The following EPHA6 variants were observed in gnomAD, a reference collection of about 807,000 sequenced individuals.
EPHA6 encodes the protein EPH receptor A6.
In EPHA6, 50 loss-of-function variants were observed where a neutral mutation model predicts 112.0. The observed-to-expected ratio is 0.45, with a 90% CI of 0.36 to 0.56. The LOEUF (loss-of-function observed/expected upper bound fraction) is 0.56. Ranked by LOEUF, EPHA6 falls within the 20% of genes least tolerant of loss-of-function variation. EPHA6 has a pLI of 0.00. For synonymous variants in EPHA6, 529 were observed against 490.7 expected, an observed-to-expected ratio of 1.08 and a Z score of -1.03; for missense variants, 1,280 against 1,417.4, an observed-to-expected ratio of 0.90 and a Z score of 1.56.
intron 11 of EPHA6, among the ~76,000 whole-genome samples, chr3:97,543,481 T>A (rs1283201930): frequency 6.6e-6 from 1 of 152,208 alleles, no homozygotes; most frequent in Non-Finnish European, 1.5e-5. Flanking sequence ...AGTACCATGC[T>A]GTTTTGGTTA....
intron 14 of EPHA6, among the ~76,000 whole-genome samples, chr3:97,719,595 C>T (rs1024195701): frequency 3.9e-5 from 6 of 151,984 alleles, no homozygotes; most frequent in African/African-American, 1.5e-4. Context: ...AATTCTTGAA[C>T]CTTTAAATTC....
chr3:97,159,593 AAACCTTCCCC>A (rs2108395627), intron 3 of EPHA6, among the ~76,000 whole-genome samples: 1 of 152,238 alleles, frequency 6.6e-6, no homozygotes, highest in East Asian at 1.9e-4. Flanking sequence ...AGCCTCTGGA[AAACCTTCCCC>A]AACCCTGTAA....
At chr3:97,001,966 C>A (rs1379232907) in intron 3 of EPHA6, among the ~76,000 whole-genome samples, 1 of 151,998 alleles carries the variant, frequency 6.6e-6, no homozygotes, top group African/African-American at 2.4e-5. Context: ...ACAGAGATAA[C>A]TATTGTCTTG....
chr3:97,185,824 C>T (rs887422688), intron 3 of EPHA6, among the ~76,000 whole-genome samples: 1 of 152,036 alleles, frequency 6.6e-6, no homozygotes, highest in East Asian at 1.9e-4. Context: ...AAATGTCCAA[C>T]AATGATAGAC....
intron 5 of EPHA6, among the ~76,000 whole-genome samples, chr3:97,353,479 C>G (rs1479901569): frequency 1.3e-5 from 2 of 151,658 alleles, no homozygotes; most frequent in Non-Finnish European, 2.9e-5. Flanking sequence ...CAGTAGTAGT[C>G]AGGCAATACT....
rs1459637927 is a variant in EPHA6 at position 97,748,711 on chromosome 3, A to G, written c.*10A>G. The G allele has an allele frequency of 7.0e-7, 1 of 1,425,078 alleles. No individual in the cohort carries two copies. The highest frequency in any genetic ancestry group is 2.3e-5 in the East Asian group (1 of 43,990). 88.3% of individuals were successfully genotyped at this position (1,425,078 alleles called of 1,614,324 possible). A position where few individuals can be genotyped will look rare whatever the true frequency, so the allele number is the denominator to read the frequency against. On this transcript the variant is annotated 3_prime_UTR_variant, in exon 18 of 18. Transcript: ENST00000389672. ...GGGATTTCATGTATGAAAGTACCACAAGCACCTGTGTTTTGTGCCTCAGCA... is the reference window on the plus strand; with the variant it reads ...GGGATTTCATGTATGAAAGTACCACGAGCACCTGTGTTTTGTGCCTCAGCA...
intron 3 of EPHA6, among the ~76,000 whole-genome samples, chr3:97,182,931 A>G (rs942284753): frequency 6.6e-5 from 10 of 152,152 alleles, no homozygotes; most frequent in Non-Finnish European, 1.5e-4. Context: ...AATTTGTAAT[A>G]AAAATGTTTA....
intron 3 of EPHA6, among the ~76,000 whole-genome samples, chr3:97,178,248 T>C (rs2076891996): frequency 6.6e-6 from 1 of 152,112 alleles, no homozygotes; most frequent in African/African-American, 2.4e-5. Flanking sequence ...CCTTAACTTT[T>C]ATCACACTGC....
At chr3:96,841,349 T>C (rs1300673180) in intron 1 of EPHA6, among the ~76,000 whole-genome samples, 1 of 152,142 alleles carries the variant, frequency 6.6e-6, no homozygotes, top group Non-Finnish European at 1.5e-5. Flanking sequence ...AGTTTCCCGC[T>C]TGACTTCTCC....
At chr3:97,216,014 A>G (rs549399245) in intron 3 of EPHA6, among the ~76,000 whole-genome samples, 1 of 152,320 alleles carries the variant, frequency 6.6e-6, no homozygotes, top group African/African-American at 2.4e-5. Context: ...AGAGAAAGGG[A>G]AAAGAAACTA....
Position 97,132,150 on chromosome 3 carries a change from A to G in EPHA6, c.1115-94114A>G, listed in dbSNP as rs1347379935. Among the ~76,000 whole-genome samples the G allele has an allele frequency of 3.3e-5, 5 of 152,104 alleles. No homozygotes were observed. In the South Asian group the frequency reaches 8.3e-4, roughly 25 times the overall value. On this transcript the variant is annotated intron_variant, in intron 3 of 17. Transcript: ENST00000389672. ...ATATGTACATATGTATTGTAAAATTACAGCATTCAGACCCTTTGCTTTACA... is the reference window on the plus strand; with the variant it reads ...ATATGTACATATGTATTGTAAAATTGCAGCATTCAGACCCTTTGCTTTACA...
chr3:96,949,142 C>T (rs559166122), intron 2 of EPHA6, among the ~76,000 whole-genome samples: 333 of 151,904 alleles, frequency 2.2e-3, no homozygotes, highest in Admixed American at 3.5e-3. Flanking sequence ...TACATCAGGT[C>T]GAAAATAAAT....
chr3:97,592,795 A>G, intron 12 of EPHA6, 58 bp downstream of exon 12: 1 of 1,474,956 alleles, frequency 6.8e-7, no homozygotes, highest in Non-Finnish European at 9.0e-7. Flanking sequence ...TTGTGCTCAT[A>G]GTTGATAGGC....
At chr3:97,167,522 T>A (rs1212050608) in intron 3 of EPHA6, among the ~76,000 whole-genome samples, 1 of 152,146 alleles carries the variant, frequency 6.6e-6, no homozygotes, top group East Asian at 1.9e-4. Flanking sequence ...TTTAAAATAA[T>A]CCCAATCTAA....
At chr3:97,266,378 A>G (rs1467886979) in intron 5 of EPHA6, among the ~76,000 whole-genome samples, 1 of 152,182 alleles carries the variant, frequency 6.6e-6, no homozygotes, top group African/African-American at 2.4e-5. Context: ...CCATTTTAGG[A>G]TGAGCAATAC....
chr3:97,270,069 T>G (rs1220567790), intron 5 of EPHA6, among the ~76,000 whole-genome samples: 1 of 152,246 alleles, frequency 6.6e-6, no homozygotes, highest in Non-Finnish European at 1.5e-5. Flanking sequence ...ATCTTTCATA[T>G]CTTGAGTTTT....
intron 11 of EPHA6, among the ~76,000 whole-genome samples, chr3:97,572,093 A>AAT (rs371585093): frequency 6.8e-4 from 104 of 152,170 alleles, no homozygotes; most frequent in African/African-American, 2.2e-3. Context: ...TTGGACCAAA[A>AAT]ATCTATGTTG....
At chr3:97,031,731 T>C (rs1576356208) in intron 3 of EPHA6, among the ~76,000 whole-genome samples, 1 of 152,154 alleles carries the variant, frequency 6.6e-6, no homozygotes, top group East Asian at 1.9e-4. Context: ...GAAATGCAAA[T>C]CAAAACCACA....
intron 2 of EPHA6, among the ~76,000 whole-genome samples, chr3:96,925,226 G>A (rs898187366): frequency 2.6e-5 from 4 of 152,108 alleles, no homozygotes; most frequent in African/African-American, 4.8e-5. Flanking sequence ...AAATGTTACA[G>A]CTCTTTTTTG....
Sources: allele counts gnomAD v4.1 joint callset (sites outside exome capture counted in the v4.1 genomes callset), GRCh38; gene constraint gnomAD v4.1.1; transcripts MANE v1.5; gene names NCBI Gene and HGNC (gene_info 2026-07-23, HGNC 2026-07-21).